The following PDE4B variants were observed in gnomAD, a reference collection of about 807,000 sequenced individuals.
The protein encoded by PDE4B is 3',5'-cyclic-AMP phosphodiesterase 4B.
A neutral mutation model predicts 82.2 loss-of-function variants in PDE4B; 20 were observed. The ratio of observed to expected loss-of-function variants is 0.24; its 90% confidence interval spans 0.17 to 0.35. PDE4B has a LOEUF of 0.35. PDE4B is among the 10% of genes least tolerant of loss of function. PDE4B has a pLI of 1.00. For synonymous variants in PDE4B, 320 were observed against 318.9 expected, an observed-to-expected ratio of 1.00 and a Z score of -0.04; for missense variants, 655 against 907.2, an observed-to-expected ratio of 0.72 and a Z score of 3.57.
chr1:65,914,470 C>CTTCTTTTTTTTT (rs1553120183), intron 2 of PDE4B, among the ~76,000 whole-genome samples: 1 of 145,058 alleles, frequency 6.9e-6, no homozygotes. Flanking sequence ...TCTTCTTCTT[C>CTTCTTTTTTTTT]TTTTTTTTTT....
At chr1:66,084,770 G>A (rs11810110) in intron 3 of PDE4B, among the ~76,000 whole-genome samples, 3 of 152,182 alleles carry the variant, frequency 2.0e-5, no homozygotes, top group African/African-American at 7.2e-5. Flanking sequence ...ATCTGTCTAG[G>A]TTTTAGTAGA....
chr1:65,820,221 A>G lies in PDE4B; in HGVS notation c.-71+26973A>G, dbSNP rs184683328. Among the ~76,000 whole-genome samples, 18 of 152,344 alleles carry G rather than the reference A, an allele frequency of 1.2e-4. 1 individual carries two copies. The East Asian group carries it at 3.5e-3, about 29-fold the overall frequency. ...GCAATTGAAATATTCAAGTGGGCTC[A>G]TTCTCCATTTTCTTAGAAATAGAGA... On this transcript the variant is annotated intron_variant, in intron 1 of 16. Transcript: ENST00000341517.
At chr1:66,114,422 A>G (rs1380930417) in intron 3 of PDE4B, among the ~76,000 whole-genome samples, 1 of 152,194 alleles carries the variant, frequency 6.6e-6, no homozygotes, top group Non-Finnish European at 1.5e-5. Flanking sequence ...GTACCAAATA[A>G]TAAAATAAAT....
At chr1:66,111,817 G>T (rs868339467) in intron 3 of PDE4B, among the ~76,000 whole-genome samples, 1 of 152,028 alleles carries the variant, frequency 6.6e-6, no homozygotes, top group Non-Finnish European at 1.5e-5. Flanking sequence ...TTTAGATTAG[G>T]TATTTTTGTC....
intron 4 of PDE4B, among the ~76,000 whole-genome samples, chr1:66,252,014 A>G (rs985487657): frequency 1.3e-5 from 2 of 152,152 alleles, no homozygotes; most frequent in Non-Finnish European, 2.9e-5. Flanking sequence ...TACAGAGCCA[A>G]ACAGGAGGCT....
intron 3 of PDE4B, among the ~76,000 whole-genome samples, chr1:66,081,820 CTCTCTCTCTCTCTG>C (rs57889982): frequency 0.045 from 6,222 of 137,106 alleles, 353 homozygotes; most frequent in East Asian, 0.31. Flanking sequence ...CTCTCTCTCT[CTCTCTCTCTCTCTG>C]TGTGTGTGTG....
chr1:65,874,442 T>C (rs2100313219), intron 1 of PDE4B, among the ~76,000 whole-genome samples: 1 of 152,280 alleles, frequency 6.6e-6, no homozygotes, highest in Admixed American at 6.5e-5. Context: ...TGGCCAGAAC[T>C]TCCAACACTA....
intron 7 of PDE4B, among the ~76,000 whole-genome samples, chr1:66,298,359 A>C (rs941561832): frequency 6.6e-6 from 1 of 152,168 alleles, no homozygotes; most frequent in African/African-American, 2.4e-5. Flanking sequence ...TAGTTGCTTC[A>C]GTGATGGGGA....
At chr1:66,104,401 G>A (rs1170243131) in intron 3 of PDE4B, among the ~76,000 whole-genome samples, 3 of 143,590 alleles carry the variant, frequency 2.1e-5, no homozygotes, top group Middle Eastern at 3.4e-3. Flanking sequence ...ATAAACATAC[G>A]TGTGCATGTG....
At chr1:65,920,545 T>TTTCCTAGTTGTTTCTCA (rs1389112214) in intron 3 of PDE4B, among the ~76,000 whole-genome samples, 6 of 152,238 alleles carry the variant, frequency 3.9e-5, no homozygotes. Context: ...CTTGTTTCTC[T>TTTCCTAGTTGTTTCTCA]TTCCTAGTTG....
At chr1:66,014,126 C>T (rs755429489) in intron 3 of PDE4B, among the ~76,000 whole-genome samples, 1 of 151,998 alleles carries the variant, frequency 6.6e-6, no homozygotes, top group Non-Finnish European at 1.5e-5. Context: ...GTCCTTTGTA[C>T]ATTTTAAAAT....
At position 66,372,781 on chromosome 1, in the gene PDE4B, G is replaced by A. The variant is rs2050831440; in HGVS notation, c.*103G>A. 8.5e-7 allele frequency: 1 copy of A among 1,181,838 alleles called. No homozygotes were observed. The highest frequency in any genetic ancestry group is 1.2e-6 in the Non-Finnish European group (1 of 840,436). 73.2% of individuals were successfully genotyped at this position (1,181,838 alleles called of 1,614,324 possible). On this transcript the variant is annotated 3_prime_UTR_variant, in exon 17 of 17. Transcript: ENST00000341517. ...GGGCCAAGACCTGCACAGGACAAGG[G>A]CCACCTGGCCTTTCAGTTACTTGAG...
chr1:66,368,738 C>T, intron 15 of PDE4B, 49 bp from the exon 16 acceptor site: 1 of 1,385,366 alleles, frequency 7.2e-7, no homozygotes, highest in Non-Finnish European at 9.7e-7. Flanking sequence ...GATGTTCCGG[C>T]AGTATTTACA....
At chr1:65,796,509 C>A (rs1356784084) in intron 1 of PDE4B, among the ~76,000 whole-genome samples, 1 of 151,874 alleles carries the variant, frequency 6.6e-6, no homozygotes, top group African/African-American at 2.4e-5. Flanking sequence ...CTACAGAGCC[C>A]ATCTAGTATT....
chr1:66,194,221 C>T (rs1648078262), intron 3 of PDE4B, among the ~76,000 whole-genome samples: 1 of 152,096 alleles, frequency 6.6e-6, no homozygotes, highest in African/African-American at 2.4e-5. Context: ...TTGTGTCTAA[C>T]CTTTTAGTAA....
intron 3 of PDE4B, among the ~76,000 whole-genome samples, chr1:66,078,920 G>C (rs1212331958): frequency 6.6e-6 from 1 of 151,982 alleles, no homozygotes; most frequent in Non-Finnish European, 1.5e-5. Flanking sequence ...TGAGCATAAA[G>C]GAGAGAAAGA....
chr1:66,090,757 A>G (rs1645006372), intron 3 of PDE4B, among the ~76,000 whole-genome samples: 1 of 151,406 alleles, frequency 6.6e-6, no homozygotes, highest in African/African-American at 2.4e-5. Context: ...ATATGTATGT[A>G]TACATATGTG....
intron 3 of PDE4B, among the ~76,000 whole-genome samples, chr1:66,086,033 T>C (rs1656989466): frequency 1.3e-5 from 2 of 152,142 alleles, no homozygotes; most frequent in South Asian, 4.1e-4. Context: ...GCTTTTGTGA[T>C]AGGAAACCTA....
rs543614718 is a variant in PDE4B at position 66,329,216 on chromosome 1, A to C, written c.635-3292A>C. ...GCCTGAAATAATACAATATTTAAAC[A>C]CACCAAACCATTAATTGTGACAAGT... On this transcript the variant is annotated intron_variant, in intron 7 of 16. Transcript: ENST00000341517. Among the ~76,000 whole-genome samples, 6 of 152,286 alleles carry C rather than the reference A, an allele frequency of 3.9e-5. No individual in the cohort carries two copies. The South Asian group carries it at 1.2e-3, about 32-fold the overall frequency.
Sources: gnomAD v4.1 joint callset for allele counts (sites outside exome capture counted in the v4.1 genomes callset) on GRCh38, gnomAD v4.1.1 for gene constraint, MANE v1.5 for transcripts, NCBI Gene and HGNC (gene_info 2026-07-23, HGNC 2026-07-21) for gene names.